The following TEPSIN variants were observed in gnomAD, a reference collection of about 807,000 sequenced individuals.
TEPSIN encodes the protein AP-4 complex accessory subunit tepsin.
In TEPSIN, 50 loss-of-function variants were observed where a neutral mutation model predicts 48.5. The ratio of observed to expected loss-of-function variants is 1.03; its 90% CI spans 0.82 to 1.31. TEPSIN has a LOEUF of 1.31. TEPSIN is among the 50% of genes most tolerant of loss of function. TEPSIN has a pLI of 0.00. For synonymous variants in TEPSIN, 392 were observed against 358.8 expected (o/e 1.09, Z -1.05); for missense variants, 838 against 815.9 (o/e 1.03, Z -0.33).
intron 1 of TEPSIN, chr17:81,238,454 C>T: frequency 3.0e-6 from 1 of 335,270 alleles, no homozygotes; most frequent in Non-Finnish European, 4.2e-6. Context: ...TTGCTCAGGA[C>T]GACACCTGGG....
Position 81,230,216 on chromosome 17 carries a change from A to T in TEPSIN, c.1233+328T>A, listed in dbSNP as rs541544531. ...GTCATGGGTGGCAAACTGCATGTGCAGTCAGGGAGGGCTTCCTGGAAGAGG... is the reference window on the plus strand; with the variant it reads ...GTCATGGGTGGCAAACTGCATGTGCTGTCAGGGAGGGCTTCCTGGAAGAGG... On this transcript the variant is annotated intron_variant, in intron 12 of 12. Transcript: ENST00000637944. The surrounding 1 kb of genome is among the most constrained non-coding windows in gnomAD (Gnocchi z 4.2). 4 of 340,312 alleles carry T rather than the reference A, an allele frequency of 1.2e-5. No homozygotes were observed. Among genetic ancestry groups the T allele is most frequent in the African/African-American group, 8.7e-5 (4 of 46,038 alleles). The allele number at this position is 340,312 out of a possible 1,614,324, so 21.1% of individuals were successfully genotyped here. A position where few individuals can be genotyped will look rare whatever the true frequency, so the allele number is the denominator to read the frequency against.
chr17:81,237,565 A>C, intron 1 of TEPSIN, 106 bp from the exon 2 acceptor site: 1 of 1,171,760 alleles, frequency 8.5e-7, no homozygotes, highest in Non-Finnish European at 1.2e-6. Context: ...CACTGTTGAC[A>C]TGGCCGGAGA....
intron 1 of TEPSIN, 69 bp from the exon 2 acceptor site, chr17:81,237,528 C>G: frequency 6.7e-7 from 1 of 1,497,186 alleles, no homozygotes; most frequent in Non-Finnish European, 9.0e-7. Context: ...CGCAGCCCCC[C>G]AAAGGGGATG....
intron 12 of TEPSIN, chr17:81,229,697 C>G (rs1236487801): frequency 3.4e-6 from 2 of 581,568 alleles, no homozygotes; most frequent in Non-Finnish European, 6.0e-6. Context: ...GGGCAGGTGT[C>G]ACATACACAC....
Position 81,233,586 on chromosome 17 carries a change from A to C in TEPSIN, c.454+52T>G. The C allele has an allele frequency of 6.4e-7, 1 of 1,571,346 alleles. No individual in the cohort carries two copies. The highest frequency in any genetic ancestry group is 1.3e-5 in the African/African-American group (1 of 74,606). On this transcript the variant is annotated intron_variant, in intron 6 of 12. Coordinates refer to ENST00000637944, the MANE Select transcript of TEPSIN (RefSeq NM_001363764.2). This position sits in a 1 kb window ranked among gnomAD's most constrained non-coding sequence, Gnocchi z 5.8. ...ATGGCACAGACACCCAGGACACTCAAGGAGGCAGAAACCAGGTGCCAGAGC... is the reference window on the plus strand; with the variant it reads ...ATGGCACAGACACCCAGGACACTCACGGAGGCAGAAACCAGGTGCCAGAGC...
At position 81,229,077 on chromosome 17, in the gene TEPSIN, C is replaced by T; in HGVS notation, c.1633G>A (p.Val545Met). Residue 545 changes from valine (V) to methionine (M), a missense_variant, in exon 13 of 13, where the codon GTG (valine) becomes ATG (methionine). Val to Met is a conservative substitution (Grantham distance 21). Coordinates refer to ENST00000637944, the MANE Select transcript of TEPSIN (RefSeq NM_001363764.2). ...RDSLFAGMEL[V>M]ACPRLVGAGA... is the part of the protein sequence containing the mutation. ...GCCCCCACCAGGCGGGGACAGGCCA[C>T]CAGCTCCATGCCAGCAAACAAGGAG... 1 of 1,613,588 alleles carries T rather than the reference C, an allele frequency of 6.2e-7. No individual in the cohort carries two copies. Among genetic ancestry groups the T allele is most frequent in the Non-Finnish European group, 8.5e-7 (1 of 1,179,980 alleles).
intron 1 of TEPSIN, 145 bp downstream of exon 1, chr17:81,238,841 G>C: frequency 7.4e-7 from 1 of 1,351,260 alleles, no homozygotes; most frequent in Non-Finnish European, 9.5e-7. Context: ...GGCAGCTCAG[G>C]GGCGTCGGCG....
rs2062514519 is a variant in TEPSIN, at chr17:81,228,620, C to G, written c.*308G>C. 2.3e-6 allele frequency: 1 copy of G among 443,678 alleles called. No homozygotes were observed. The highest frequency in any genetic ancestry group is 4.4e-5 in the Admixed American group (1 of 22,640). 27.5% of individuals were successfully genotyped at this position (443,678 alleles called of 1,614,324 possible). ...GCTGAGATCAAAATGAAATAAGGAA[C>G]CTGGTAGTCGCTTCCGCATTCATAC... is the stretch of plus-strand genomic sequence containing the variant. On this transcript the variant is annotated 3_prime_UTR_variant, in exon 13 of 13. Coordinates refer to ENST00000637944, the MANE Select transcript of TEPSIN (RefSeq NM_001363764.2).
chr17:81,238,227 C>A (rs1385045530), intron 1 of TEPSIN: 1 of 966,462 alleles, frequency 1.0e-6, no homozygotes, highest in Non-Finnish European at 1.2e-6. Flanking sequence ...ATCACTGACA[C>A]TGTTTGCCCA....
At position 81,230,528 on chromosome 17, in the gene TEPSIN, C is replaced by T. The variant is rs1375381521; in HGVS notation, c.1233+16G>A. The T allele has an allele frequency of 1.2e-6, 2 of 1,610,384 alleles. No individual in the cohort carries two copies. Among genetic ancestry groups the T allele is most frequent in the African/African-American group, 1.3e-5 (1 of 74,804 alleles). The stretch of plus-strand genomic sequence containing the variant: ...CCTTGGACCCCGGTGTGCGTGTGGC[C>T]TCCGCAGCTGCCCACCTTGGTGGCC... On this transcript the variant is annotated intron_variant, in intron 12 of 12. Coordinates refer to ENST00000637944, the MANE Select transcript of TEPSIN (RefSeq NM_001363764.2). The surrounding 1 kb of genome is among the most constrained non-coding windows in gnomAD (Gnocchi z 4.2).
chr17:81,232,235 T>G, intron 8 of TEPSIN, 80 bp downstream of exon 8: 8 of 1,415,428 alleles, frequency 5.7e-6, no homozygotes, highest in Non-Finnish European at 7.5e-6. Context: ...CCCTGGGATT[T>G]GCCTCCGTGG....
rs775501914 is a variant in TEPSIN, at chr17:81,229,253, G to A, written c.1457C>T (p.Pro486Leu). ...TGGAATGGGGGAGGCATCTGGGGGT[G>A]GGGTGGGCACAGGGCTGGACGGCAT... ...SGMPSSPVPT[P>L]PPDASPIPAP... Residue 486 changes from proline (P) to leucine (L), a missense_variant, in exon 13 of 13, where the codon CCA (proline) becomes CTA (leucine). Pro to Leu is a moderately conservative substitution (Grantham distance 98, BLOSUM62 -3). Coordinates refer to ENST00000637944, the MANE Select transcript of TEPSIN (RefSeq NM_001363764.2). 6 of 1,577,686 alleles carry A rather than the reference G, an allele frequency of 3.8e-6. No individual in the cohort carries two copies. In the Admixed American group the frequency reaches 1.1e-4, roughly 29 times the overall value.
rs1555621621 is a variant in TEPSIN at position 81,233,618 on chromosome 17, C to T, written c.454+20G>A. 13 of 1,588,238 alleles carry T rather than the reference C, an allele frequency of 8.2e-6. No homozygotes were observed. The highest frequency in any genetic ancestry group is 4.5e-5 in the East Asian group (2 of 44,114). On this transcript the variant is annotated intron_variant, in intron 6 of 12. Coordinates refer to ENST00000637944, the MANE Select transcript of TEPSIN (RefSeq NM_001363764.2). The surrounding 1 kb of genome is among the most constrained non-coding windows in gnomAD (Gnocchi z 5.8). The stretch of plus-strand genomic sequence containing the variant: ...AGAAACCAGGTGCCAGAGCTGGACA[C>T]GGTCCCCTCAGTCACCTACCTGTGG...
In TEPSIN at chr17:81,236,768, C is replaced by T. The variant is rs865774272; in HGVS notation, c.247G>A (p.Gly83Ser). The T allele has an allele frequency of 3.2e-6, 5 of 1,572,532 alleles. No individual in the cohort carries two copies. Among genetic ancestry groups the T allele is most frequent in the African/African-American group, 2.7e-5 (2 of 73,858 alleles). ...AGGATGAGCAGGAAGAAGGAGGAGCCGTGGCTGCACAGATAGAGCAGGATC... is the reference window on the plus strand; with the variant it reads ...AGGATGAGCAGGAAGAAGGAGGAGCTGTGGCTGCACAGATAGAGCAGGATC... Reference protein sequence around the residue: ...LKILLYLCSHGSSFFLLILKR... With the variant: ...LKILLYLCSHSSSFFLLILKR... Residue 83 changes from glycine to serine, a missense_variant, in exon 4 of 13, where the codon GGC becomes AGC. By Grantham distance (56) the Gly-to-Ser change is moderately conservative (BLOSUM62 0). Coordinates refer to ENST00000637944, the MANE Select transcript of TEPSIN (RefSeq NM_001363764.2).
chr17:81,229,433 G>A lies in TEPSIN; in HGVS notation c.1277C>T (p.Ala426Val), dbSNP rs2062541756. Residue 426 changes from alanine to valine, a missense_variant, in exon 13 of 13, where the codon GCC becomes GTC. Transcript: ENST00000637944. ...GCCAGGCTCAGCTGAGGTGCCCCGG[G>A]CAGGGGACAGCTGCCCACAGGAGGC... is the stretch of plus-strand genomic sequence containing the variant. ...FEASCGQLSP[A>V]RGTSAEPGPT... 4 of 1,549,896 alleles carry A rather than the reference G, an allele frequency of 2.6e-6. No homozygotes were observed. The highest frequency in any genetic ancestry group is 2.0e-5 in the Admixed American group (1 of 50,760).
intron 11 of TEPSIN, 53 bp downstream of exon 11, chr17:81,231,321 ACACACACGCACACGCACACACACG>A (rs1411622394): frequency 2.2e-6 from 3 of 1,365,704 alleles, no homozygotes; most frequent in African/African-American, 1.5e-5. Flanking sequence ...GCACACGTGC[ACACACACGCACACGCACACACACG>A]CACACAGGCA....
In TEPSIN at chr17:81,231,869, C is replaced by G. The variant is rs2062619791; in HGVS notation, c.883G>C (p.Glu295Gln). ...CACCTTTCTGCCAGGTCACCCGGCT[C>G]CCGGCTGGCCCCTGAATGGCTGTCG... is the stretch of plus-strand genomic sequence containing the variant. ...GSDSHSGASREPGDLAERVEV... is the reference protein window; with the variant it reads ...GSDSHSGASRQPGDLAERVEV... Residue 295 changes from glutamate to glutamine, a missense_variant, in exon 9 of 13, where the codon GAG becomes CAG. Physicochemically the swap from Glu to Gln is conservative, Grantham distance 29. Transcript: ENST00000637944. The G allele has an allele frequency of 6.2e-7, 1 of 1,613,534 alleles. No homozygotes were observed. The highest frequency in any genetic ancestry group is 1.3e-5 in the African/African-American group (1 of 75,044).
rs199619729 is a variant in TEPSIN, at chr17:81,236,690, C to T, written c.307+18G>A. 8.3e-4 allele frequency: 1,292 copies of T among 1,551,718 alleles called. 1 individual carries two copies. The highest frequency in any genetic ancestry group is 1.0e-3 in the Non-Finnish European group (1,196 of 1,147,484). ...CCAAAGCCCTGGCTCTTCCTGAGCG[C>T]GTGCGCGGCCCCTGTACCTGCAGCT... On this transcript the variant is annotated intron_variant, in intron 4 of 12. Coordinates refer to ENST00000637944, the MANE Select transcript of TEPSIN (RefSeq NM_001363764.2).
Position 81,228,290 on chromosome 17 carries a change from T to C in TEPSIN, c.*638A>G, listed in dbSNP as rs1325159019. 6.6e-6 allele frequency: 1 copy of C among 152,638 alleles called. No individual in the cohort carries two copies. The highest frequency in any genetic ancestry group is 2.4e-5 in the African/African-American group (1 of 41,458). 9.5% of individuals were successfully genotyped at this position (152,638 alleles called of 1,614,324 possible). ...AAGCGGCCCAGGTTCATGTAAACAG[T>C]AGTGTTTATTCAGAAAGCATAAACC... On this transcript the variant is annotated 3_prime_UTR_variant, in exon 13 of 13. Transcript: ENST00000637944.
Sources: allele counts gnomAD v4.1 joint callset, GRCh38; gene constraint gnomAD v4.1.1; non-coding constraint Gnocchi (gnomAD v3.1); transcripts MANE v1.5; gene names NCBI Gene and HGNC (gene_info 2026-07-23, HGNC 2026-07-21).